CSNK1G3: variants seen among roughly 807,000 people sequenced by gnomAD.
The protein encoded by CSNK1G3 is casein kinase I isoform gamma-3.
In CSNK1G3, 23 loss-of-function variants were observed where a neutral mutation model predicts 64.3. That is an observed-to-expected ratio of 0.36 (90% CI 0.26 to 0.51). The LOEUF (loss-of-function observed/expected upper bound fraction) is 0.51. CSNK1G3 is among the 20% of genes least tolerant of loss of function. The probability of loss-of-function intolerance (pLI) is 0.96; values close to 1 mark genes in which losing one functional copy is unlikely to be tolerated. For synonymous variants in CSNK1G3, 158 were observed against 162.2 expected (o/e 0.97, Z 0.20); for missense variants, 357 against 510.5 (o/e 0.70, Z 2.90).
chr5:123,604,920 A>AT, intron 11 of CSNK1G3, 90 bp downstream of exon 12: 1 of 1,046,938 alleles, frequency 9.6e-7, no homozygotes, highest in Admixed American at 2.3e-5. Context: ...ATTTCAGGAA[A>AT]TTTTTTTCAG....
At chr5:123,528,057 T>A (rs1779366617) in intron 1 of CSNK1G3, among the ~76,000 whole-genome samples, 1 of 152,188 alleles carries the variant, frequency 6.6e-6, no homozygotes. Context: ...TTTTCCCTTT[T>A]AATTTGTATT....
chr5:123,585,509 T>C (rs755037553), intron 6 of CSNK1G3, among the ~76,000 whole-genome samples: 3 of 152,118 alleles, frequency 2.0e-5, no homozygotes, highest in Non-Finnish European at 2.9e-5. Flanking sequence ...TTAAACATAC[T>C]CTTAAGAAAA....
chr5:123,520,476 ATT>A (rs77863119), intron 1 of CSNK1G3, among the ~76,000 whole-genome samples: 10 of 138,712 alleles, frequency 7.2e-5, no homozygotes, highest in Non-Finnish European at 1.1e-4. Context: ...AAAAACAGTA[ATT>A]TTTTTTTTTT....
chr5:123,545,882 T>C (rs1465374924), intron 2 of CSNK1G3, 41 bp downstream of exon 2: 1 of 1,465,548 alleles, frequency 6.8e-7, no homozygotes, highest in East Asian at 2.3e-5. Flanking sequence ...AGAAACATTT[T>C]AAAAATTGGA....
intron 1 of CSNK1G3, among the ~76,000 whole-genome samples, chr5:123,514,268 C>G (rs557536678): frequency 1.3e-5 from 2 of 152,256 alleles, no homozygotes; most frequent in South Asian, 4.1e-4. Flanking sequence ...TCATCCACCC[C>G]CTTCTGCCAT....
intron 10 of CSNK1G3, among the ~76,000 whole-genome samples, chr5:123,601,932 T>C (rs1794570882): frequency 6.6e-6 from 1 of 152,184 alleles, no homozygotes; most frequent in African/African-American, 2.4e-5. Flanking sequence ...AATACTACTT[T>C]GTGTCTCCTT....
chr5:123,571,061 A>T (rs936932022), intron 4 of CSNK1G3, among the ~76,000 whole-genome samples: 6 of 152,128 alleles, frequency 3.9e-5, no homozygotes, highest in African/African-American at 1.4e-4. Flanking sequence ...GGTAGATATG[A>T]CAAATACATC....
rs181114521 is a variant in CSNK1G3 at position 123,576,327 on chromosome 5, A to G, written c.673+364A>G. Among the ~76,000 whole-genome samples the G allele has an allele frequency of 4.5e-3, 688 of 152,300 alleles. 8 individuals are homozygous for G. The highest frequency in any genetic ancestry group is 0.016 in the African/African-American group (648 of 41,584). ...CATGTGGAAATTTTGGATTGAGACC[A>G]TAGCTCTCCAATATGGCTAGCCACA... On this transcript the variant is annotated intron_variant, in intron 6 of 12. Transcript: ENST00000345990.
chr5:123,592,022 A>C (rs1468052723), intron 10 of CSNK1G3, among the ~76,000 whole-genome samples: 1 of 152,054 alleles, frequency 6.6e-6, no homozygotes, highest in African/African-American at 2.4e-5. Context: ...GTCTGCTGTT[A>C]CTGTTATTAT....
chr5:123,530,388 A>G (rs1395836881), intron 1 of CSNK1G3, among the ~76,000 whole-genome samples: 1 of 152,190 alleles, frequency 6.6e-6, no homozygotes, highest in South Asian at 2.1e-4. Flanking sequence ...TGATTATAAT[A>G]TAGTATGTTT....
At chr5:123,521,632 A>G (rs996997875) in intron 1 of CSNK1G3, among the ~76,000 whole-genome samples, 4 of 152,330 alleles carry the variant, frequency 2.6e-5, no homozygotes, top group Middle Eastern at 3.4e-3. Context: ...TAATTTTACT[A>G]TACACACTTG....
chr5:123,580,895 A>G (rs563975092), intron 6 of CSNK1G3, among the ~76,000 whole-genome samples: 1 of 152,004 alleles, frequency 6.6e-6, no homozygotes, highest in African/African-American at 2.4e-5. Flanking sequence ...GTTGCTTTGT[A>G]AGTGTTAATA....
intron 3 of CSNK1G3, among the ~76,000 whole-genome samples, chr5:123,556,846 C>A (rs1784734284): frequency 6.6e-6 from 1 of 151,456 alleles, no homozygotes; most frequent in Admixed American, 6.6e-5. Flanking sequence ...AAGCTGGACA[C>A]AACAGAAAGC....
Position 123,544,747 on chromosome 5 carries a change from A to G in CSNK1G3, c.-247-670A>G, listed in dbSNP as rs1038337072. Among the ~76,000 whole-genome samples, 17 of 152,298 alleles carry G rather than the reference A, an allele frequency of 1.1e-4. No individual in the cohort carries two copies. The South Asian group carries it at 2.9e-3, about 26-fold the overall frequency. On this transcript the variant is annotated intron_variant, in intron 1 of 12. Coordinates refer to ENST00000345990, the Ensembl canonical transcript of CSNK1G3. ...CTGCATGTTAGAAATTTAATACCTAATTTCTGCATCTGATAAGGTTGATGC... is the reference window on the plus strand; with the variant it reads ...CTGCATGTTAGAAATTTAATACCTAGTTTCTGCATCTGATAAGGTTGATGC...
At chr5:123,560,129 C>T (rs1172453296) in intron 4 of CSNK1G3, among the ~76,000 whole-genome samples, 1 of 152,108 alleles carries the variant, frequency 6.6e-6, no homozygotes, top group Non-Finnish European at 1.5e-5. Flanking sequence ...AAATGCTCAA[C>T]ACCACTAATC....
intron 6 of CSNK1G3, among the ~76,000 whole-genome samples, chr5:123,587,230 C>A (rs1791499648): frequency 6.6e-6 from 1 of 152,178 alleles, no homozygotes; most frequent in East Asian, 1.9e-4. Context: ...TTAAGTACTG[C>A]CTAGATAGTA....
intron 1 of CSNK1G3, among the ~76,000 whole-genome samples, 188 bp downstream of exon 1, chr5:123,512,758 G>A (rs1340048218): frequency 6.6e-6 from 1 of 150,894 alleles, no homozygotes; most frequent in African/African-American, 2.4e-5. Flanking sequence ...GGGTGGCCCG[G>A]AGGCGTGGGC....
intron 1 of CSNK1G3, among the ~76,000 whole-genome samples, chr5:123,528,031 T>C (rs1779364442): frequency 6.6e-6 from 1 of 152,202 alleles, no homozygotes; most frequent in Admixed American, 6.5e-5. Flanking sequence ...GTCATAATTT[T>C]ACTAGTCACT....
intron 6 of CSNK1G3, 101 bp from the exon 7 acceptor site, chr5:123,587,967 C>A: frequency 1.4e-6 from 1 of 713,612 alleles, no homozygotes; most frequent in Admixed American, 2.9e-5. Flanking sequence ...ATATGTTGAA[C>A]TTTTGGAAAT....
Sources: allele counts gnomAD v4.1 joint callset (sites outside exome capture counted in the v4.1 genomes callset), GRCh38; gene constraint gnomAD v4.1.1; transcripts MANE v1.5; gene names NCBI Gene and HGNC (gene_info 2026-07-23, HGNC 2026-07-21).